Variants in DAPK2 observed in about 807,000 individuals in gnomAD.
DAPK2 encodes death-associated protein kinase 2.
A neutral mutation model predicts 44.1 loss-of-function variants in DAPK2; 35 were observed. The ratio of observed to expected loss-of-function variants is 0.79; its 90% CI spans 0.61 to 1.05. The LOEUF is 1.05. Among genes scored for constraint, DAPK2 ranks in the 50% least tolerant of loss-of-function variants. DAPK2 has a pLI of 0.00. For missense variants in DAPK2, 453 were observed against 483.2 expected, an observed-to-expected ratio of 0.94 and a Z score of 0.59; for synonymous variants, 174 against 182.6, an observed-to-expected ratio of 0.95 and a Z score of 0.38.
In DAPK2 at chr15:63,908,543, G is replaced by C; in HGVS notation, c.1090C>G (p.Arg364Gly). The C allele has an allele frequency of 3.1e-6, 5 of 1,599,834 alleles. No homozygotes were observed. Among genetic ancestry groups the C allele is most frequent in the Non-Finnish European group, 2.6e-6 (3 of 1,174,408 alleles). The stretch of plus-strand genomic sequence containing the variant: ...AGTTAGGAGGTGCTGCTCCTCCTCC[G>C]TGGGTGGAGGGCTTTCCTCCTGGCG... Residue 364 changes from arginine to glycine, a missense_variant, in exon 11 of 11, where the codon CGG becomes GGG. Transcript: ENST00000261891. This position sits in a 1 kb window ranked among gnomAD's most constrained non-coding sequence, Gnocchi z 5.7.
rs73456773 is a variant in DAPK2, at chr15:64,022,490, A to T, written c.92+17680T>A. Among the ~76,000 whole-genome samples the T allele has an allele frequency of 1.5e-3, 234 of 152,322 alleles. 1 individual carries two copies. The highest frequency in any genetic ancestry group is 5.3e-3 in the African/African-American group (222 of 41,548). ...TGCATGGTGACTACTTCCGTAAAGA[A>T]CTGACCACTTAAAATGTTTAAATGA... On this transcript the variant is annotated intron_variant, in intron 1 of 10. Transcript: ENST00000261891.
chr15:64,034,271 G>A (rs748211038), intron 1 of DAPK2, among the ~76,000 whole-genome samples: 1 of 152,158 alleles, frequency 6.6e-6, no homozygotes, highest in Non-Finnish European at 1.5e-5. Flanking sequence ...TTTCCCCAAA[G>A]AAGGTGTCCT....
chr15:64,005,486 G>A (rs930836685), intron 1 of DAPK2, among the ~76,000 whole-genome samples: 2 of 151,868 alleles, frequency 1.3e-5, no homozygotes, highest in African/African-American at 2.4e-5. Flanking sequence ...TGGAGAAGAT[G>A]TGGAAAGGGA....
intron 6 of DAPK2, chr15:63,926,298 C>T (rs969036394): frequency 1.0e-5 from 5 of 493,454 alleles, no homozygotes; most frequent in Non-Finnish European, 1.8e-5. Flanking sequence ...CCTAAGCACC[C>T]GACAGAGAGA....
chr15:63,971,483 C>CT lies in DAPK2; in HGVS notation c.392dup (p.Gln132AlafsTer18). The CT allele has an allele frequency of 6.2e-7, 1 of 1,614,222 alleles. No individual in the cohort carries two copies. The highest frequency in any genetic ancestry group is 8.5e-7 in the Non-Finnish European group (1 of 1,180,028). ...GGTAGTTCACCCCATCCAGGATCTG[C>CT]TTAATGAAGCTGGTGGCCTCCTCCT... On this transcript the variant is annotated frameshift_variant, in exon 3 of 11. Transcript: ENST00000261891. LOFTEE classifies it high-confidence loss of function.
At chr15:64,041,369 A>T (rs2080350171), upstream of DAPK2, among the ~76,000 whole-genome samples, 1 of 152,230 alleles carries the variant, frequency 6.6e-6, no homozygotes, top group African/African-American at 2.4e-5. Flanking sequence ...TGAAAGCCAT[A>T]GCCCAACTCT....
At chr15:63,910,954 T>A (rs888075577) in intron 10 of DAPK2, 1 of 152,300 alleles carries the variant, frequency 6.6e-6, no homozygotes, top group African/African-American at 2.4e-5. Flanking sequence ...GCATGGTGGC[T>A]TATGCCTGTA....
chr15:64,034,992 AC>A lies in DAPK2; in HGVS notation c.92+5177del. 2.0e-5 allele frequency among the ~76,000 whole-genome samples: 3 copies of A among 152,176 alleles called. No homozygotes were observed. In the Middle Eastern group the frequency reaches 0.01, roughly 518 times the overall value. Reference sequence around the variant, plus strand: ...AGATGAACCTGGCCAACATGGTGAAACCCCATCTCTACTAAAAGTACAAAAA... The same window carrying A: ...AGATGAACCTGGCCAACATGGTGAAACCCATCTCTACTAAAAGTACAAAAA... On this transcript the variant is annotated intron_variant, in intron 1 of 10. Transcript: ENST00000261891.
intron 1 of DAPK2, among the ~76,000 whole-genome samples, chr15:64,025,339 G>A (rs546930858): frequency 1.3e-5 from 2 of 152,174 alleles, no homozygotes; most frequent in African/African-American, 2.4e-5. Flanking sequence ...GCCAGGTATC[G>A]AGGAGACACT....
chr15:63,949,603 C>T (rs1462738889), intron 3 of DAPK2, among the ~76,000 whole-genome samples: 2 of 152,158 alleles, frequency 1.3e-5, no homozygotes, highest in Non-Finnish European at 2.9e-5. Flanking sequence ...AATTGCCTAT[C>T]GGAATTCCCA....
chr15:64,046,273 G>A lies in DAPK2; in HGVS notation c.-7+25C>T. On this transcript the variant is annotated intron_variant, in intron 1 of 11. Coordinates refer to the DAPK2 transcript ENST00000457488. The surrounding 1 kb of genome is among the most constrained non-coding windows in gnomAD (Gnocchi z 5.3). ...GGCCGCGCGCCCCGTCCCGCCCATC[G>A]AGCCCGCAGACGGGTGCTACTCACG... 1.0e-6 allele frequency: 1 copy of A among 975,838 alleles called. No homozygotes were observed. Among genetic ancestry groups the A allele is most frequent in the African/African-American group, 1.8e-5 (1 of 56,968 alleles). 60.4% of individuals were successfully genotyped at this position (975,838 alleles called of 1,614,324 possible). A position where few individuals can be genotyped will look rare whatever the true frequency, so the allele number is the denominator to read the frequency against.
At chr15:64,034,308 TC>T (rs2141168804) in intron 1 of DAPK2, among the ~76,000 whole-genome samples, 1 of 152,314 alleles carries the variant, frequency 6.6e-6, no homozygotes, top group Non-Finnish European at 1.5e-5. Context: ...CGGTGGCTGA[TC>T]CTAACCACAG....
At chr15:63,949,447 C>CT (rs2077531384) in intron 3 of DAPK2, among the ~76,000 whole-genome samples, 1 of 152,204 alleles carries the variant, frequency 6.6e-6, no homozygotes, top group South Asian at 2.1e-4. Context: ...GCCTTGGGCT[C>CT]TCCCTTCCCT....
chr15:63,977,758 A>T (rs1233425015), intron 2 of DAPK2, among the ~76,000 whole-genome samples: 6 of 152,232 alleles, frequency 3.9e-5, no homozygotes, highest in African/African-American at 1.4e-4. Context: ...TCATTCTCAG[A>T]TGAGAAAACT....
intron 3 of DAPK2, among the ~76,000 whole-genome samples, chr15:63,952,895 A>C (rs918407883): frequency 7.2e-5 from 11 of 151,966 alleles, no homozygotes; most frequent in African/African-American, 2.7e-4. Flanking sequence ...GATCATCTTC[A>C]TTTATCTAAC....
intron 3 of DAPK2, among the ~76,000 whole-genome samples, chr15:63,952,920 C>T (rs541636036): frequency 6.6e-6 from 1 of 152,086 alleles, no homozygotes; most frequent in Non-Finnish European, 1.5e-5. Context: ...TATTTGTACC[C>T]ATTAACCAGT....
chr15:63,935,037 T>G (rs949676505), intron 4 of DAPK2, among the ~76,000 whole-genome samples: 8 of 152,002 alleles, frequency 5.3e-5, no homozygotes, highest in African/African-American at 1.9e-4. Flanking sequence ...ATATCAATGT[T>G]TTGGGGTTTT....
chr15:63,999,203 C>T (rs186942577), intron 1 of DAPK2, among the ~76,000 whole-genome samples: 94 of 152,316 alleles, frequency 6.2e-4, no homozygotes, highest in Admixed American at 3.8e-3. Context: ...AAGAAGCAAA[C>T]TAATTTGGTC....
At chr15:63,929,922 T>G in intron 5 of DAPK2, 1 of 462,192 alleles carries the variant, frequency 2.2e-6, no homozygotes, top group Admixed American at 3.0e-5. Flanking sequence ...TTGGCAGGAT[T>G]TTAGAAAACC....
Sources: allele counts gnomAD v4.1 joint callset (sites outside exome capture counted in the v4.1 genomes callset), GRCh38; gene constraint gnomAD v4.1.1; non-coding constraint Gnocchi (gnomAD v3.1); transcripts MANE v1.5; gene names NCBI Gene and HGNC (gene_info 2026-07-23, HGNC 2026-07-21).